Variants in GABRG3 observed in about 807,000 individuals in gnomAD.
GABRG3 encodes gamma-aminobutyric acid type A receptor subunit gamma3, also known as gamma-aminobutyric acid receptor subunit gamma-3.
GABRG3 carries 25 observed loss-of-function variants against 48.8 expected under a neutral mutation model. The ratio of observed to expected loss-of-function variants is 0.51; its 90% CI spans 0.37 to 0.72. The LOEUF (loss-of-function observed/expected upper bound fraction) is 0.72. Ranked by LOEUF, GABRG3 falls within the 30% of genes least tolerant of loss-of-function variation. GABRG3 has a pLI of 0.00. For missense variants in GABRG3, 394 were observed against 577.9 expected, an observed-to-expected ratio of 0.68 and a Z score of 3.26; for synonymous variants, 227 against 217.6, an observed-to-expected ratio of 1.04 and a Z score of -0.38.
At chr15:27,035,587 C>A (rs933104646) in intron 3 of GABRG3, among the ~76,000 whole-genome samples, 1 of 152,104 alleles carries the variant, frequency 6.6e-6, no homozygotes, top group Non-Finnish European at 1.5e-5. Flanking sequence ...GGGTTGGGCC[C>A]CCTATTAGCA....
chr15:27,530,372 A>G (rs746244124), intron 9 of GABRG3, among the ~76,000 whole-genome samples: 4 of 152,136 alleles, frequency 2.6e-5, no homozygotes, highest in Non-Finnish European at 5.9e-5. Flanking sequence ...TAAAATCTCT[A>G]TCTTGGGTAC....
chr15:27,496,580 C>G (rs1200648766), intron 6 of GABRG3, among the ~76,000 whole-genome samples: 1 of 152,128 alleles, frequency 6.6e-6, no homozygotes, highest in African/African-American at 2.4e-5. Flanking sequence ...AGTTGGTCTT[C>G]TCCACATTTC....
intron 3 of GABRG3, among the ~76,000 whole-genome samples, chr15:27,030,618 G>A (rs1363669659): frequency 6.6e-6 from 1 of 152,148 alleles, no homozygotes; most frequent in Non-Finnish European, 1.5e-5. Flanking sequence ...GCATGCAAGG[G>A]GGCTTGTGAG....
chr15:27,529,599 G>A (rs552943119), intron 9 of GABRG3, among the ~76,000 whole-genome samples: 2 of 152,282 alleles, frequency 1.3e-5, no homozygotes, highest in African/African-American at 4.8e-5. Flanking sequence ...CACTCTGCAA[G>A]TGTGGATCGT....
intron 3 of GABRG3, among the ~76,000 whole-genome samples, chr15:27,227,207 C>T (rs936789533): frequency 3.3e-5 from 5 of 151,998 alleles, no homozygotes; most frequent in African/African-American, 1.2e-4. Context: ...AAAAACAGGC[C>T]AGGCTTCGTA....
At chr15:27,189,612 G>C (rs370693856) in intron 3 of GABRG3, among the ~76,000 whole-genome samples, 23 of 152,082 alleles carry the variant, frequency 1.5e-4, no homozygotes, top group Admixed American at 1.3e-4. Flanking sequence ...TGCTTATCAG[G>C]TTAAGGAGAT....
chr15:27,266,795 A>G (rs1256895911), intron 3 of GABRG3, among the ~76,000 whole-genome samples: 1 of 97,738 alleles, frequency 1.0e-5, no homozygotes, highest in Non-Finnish European at 2.5e-5. Flanking sequence ...GGTATTGTAA[A>G]TGGTATTTTT....
intron 2 of GABRG3, among the ~76,000 whole-genome samples, chr15:26,981,916 G>A (rs939317969): frequency 1.3e-5 from 2 of 152,194 alleles, no homozygotes; most frequent in Non-Finnish European, 2.9e-5. Context: ...AAATCCATGT[G>A]TGTAGTGTGG....
intron 3 of GABRG3, among the ~76,000 whole-genome samples, chr15:27,087,734 TTG>T (rs1344366430): frequency 6.6e-6 from 1 of 151,984 alleles, no homozygotes; most frequent in African/African-American, 2.4e-5. Context: ...GTACATGTAC[TTG>T]TGTGTCTGGT....
At chr15:26,986,704 A>C (rs1050772342) in intron 2 of GABRG3, among the ~76,000 whole-genome samples, 1 of 152,206 alleles carries the variant, frequency 6.6e-6, no homozygotes, top group Non-Finnish European at 1.5e-5. Flanking sequence ...CTGTTTGGCA[A>C]ATAACTCAGG....
chr15:27,384,925 G>T (rs1053577362), intron 5 of GABRG3, among the ~76,000 whole-genome samples: 3 of 151,922 alleles, frequency 2.0e-5, no homozygotes, highest in South Asian at 2.1e-4. Flanking sequence ...GAGTATAATT[G>T]CTATATAGTA....
rs186764433 is a variant in GABRG3 at position 27,159,302 on chromosome 15, C to G, written c.270+132481C>G. 2.1e-3 allele frequency among the ~76,000 whole-genome samples: 319 copies of G among 152,090 alleles called. 1 individual carries two copies. The highest frequency in any genetic ancestry group is 7.0e-3 in the African/African-American group (291 of 41,508). ...TTCAAGACCAATCTGACCAACATGG[C>G]AAAACCCCATCTCTACTAAAATTAC... On this transcript the variant is annotated intron_variant, in intron 3 of 9. Transcript: ENST00000615808.
In GABRG3 at chr15:27,047,759, T is replaced by C. The variant is rs78428342; in HGVS notation, c.270+20938T>C. 9.2e-4 allele frequency among the ~76,000 whole-genome samples: 140 copies of C among 152,320 alleles called. 3 individuals carry two copies. In the East Asian group the frequency reaches 0.016, roughly 17 times the overall value. On this transcript the variant is annotated intron_variant, in intron 3 of 9. Transcript: ENST00000615808. Reference sequence around the variant, plus strand: ...TTTGCTATTGGGCTGCTGCCGACTTTGCAGATCTGGGAGAGGCAGTGTGAA... The same window carrying C: ...TTTGCTATTGGGCTGCTGCCGACTTCGCAGATCTGGGAGAGGCAGTGTGAA...
rs2150867223 is a variant in GABRG3, at chr15:27,533,234, C to G, written c.*353C>G. 1 of 258,194 alleles carries G rather than the reference C, an allele frequency of 3.9e-6. No individual in the cohort carries two copies. Among genetic ancestry groups the G allele is most frequent in the Admixed American group, 5.1e-5 (1 of 19,668 alleles). The allele number at this position is 258,194 out of a possible 1,614,324, so 16.0% of individuals were successfully genotyped here. Reference sequence around the variant, plus strand: ...TGTGCACGTGAATGTCTGAGATGCTCTCTCAGGCCTCTAGTCCTTCTGTAT... The same window carrying G: ...TGTGCACGTGAATGTCTGAGATGCTGTCTCAGGCCTCTAGTCCTTCTGTAT... On this transcript the variant is annotated 3_prime_UTR_variant, in exon 10 of 10. Transcript: ENST00000615808.
chr15:27,056,368 A>G (rs1027095756), intron 3 of GABRG3, among the ~76,000 whole-genome samples: 6 of 151,164 alleles, frequency 4.0e-5, no homozygotes, highest in Admixed American at 6.6e-5. Context: ...AAAAAAAAAA[A>G]AAAAAGAAAA....
chr15:27,474,228 A>G (rs909856538), intron 5 of GABRG3, among the ~76,000 whole-genome samples: 1 of 152,230 alleles, frequency 6.6e-6, no homozygotes, highest in African/African-American at 2.4e-5. Flanking sequence ...TTAATATCAC[A>G]AATATACCCA....
chr15:26,976,863 C>T lies in GABRG3; in HGVS notation c.54-139C>T, dbSNP rs185001745. On this transcript the variant is annotated intron_variant, in intron 1 of 9. Coordinates refer to ENST00000615808, the MANE Select transcript of GABRG3 (RefSeq NM_033223.5). The surrounding 1 kb of genome is among the most constrained non-coding windows in gnomAD (Gnocchi z 7.8). ...TTTCTTTCTTTTTAGAAAATATTTT[C>T]GGGTTTTCACGTGTGTGGTTGGGCT... 112 of 704,982 alleles carry T rather than the reference C, an allele frequency of 1.6e-4. No homozygotes were observed. The highest frequency in any genetic ancestry group is 2.5e-4 in the Non-Finnish European group (104 of 417,436). 43.7% of individuals were successfully genotyped at this position (704,982 alleles called of 1,614,324 possible). A position where few individuals can be genotyped will look rare whatever the true frequency, so the allele number is the denominator to read the frequency against.
Position 27,527,921 on chromosome 15 carries a change from C to T in GABRG3, c.1063-12C>T, listed in dbSNP as rs1891319445. ...GACAGTTTCCTAGTTATTTTTTCTT[C>T]TTTTCTTGTAGTTACTACATCCAGA... On this transcript the variant is annotated splice_polypyrimidine_tract_variant and intron_variant, in intron 8 of 9. Coordinates refer to ENST00000615808, the MANE Select transcript of GABRG3 (RefSeq NM_033223.5). 2 of 1,560,272 alleles carry T rather than the reference C, an allele frequency of 1.3e-6. No homozygotes were observed. Among genetic ancestry groups the T allele is most frequent in the Non-Finnish European group, 8.7e-7 (1 of 1,147,720 alleles).
At chr15:27,234,608 A>C (rs930833934) in intron 3 of GABRG3, among the ~76,000 whole-genome samples, 2 of 152,016 alleles carry the variant, frequency 1.3e-5, no homozygotes, top group African/African-American at 4.8e-5. Flanking sequence ...CGGTGCTCTG[A>C]GCCACCTGCT....
Sources: allele counts gnomAD v4.1 joint callset (sites outside exome capture counted in the v4.1 genomes callset), GRCh38; gene constraint gnomAD v4.1.1; non-coding constraint Gnocchi (gnomAD v3.1); transcripts MANE v1.5; gene names NCBI Gene and HGNC (gene_info 2026-07-23, HGNC 2026-07-21).